MYH10: variants seen among roughly 807,000 people sequenced by gnomAD.
MYH10 encodes the protein myosin-10.
In MYH10, 55 loss-of-function variants were observed where a neutral mutation model predicts 257.8. The ratio of observed to expected loss-of-function variants is 0.21; its 90% confidence interval spans 0.17 to 0.27. MYH10 has a LOEUF of 0.27. Among genes scored for constraint, MYH10 ranks in the 10% least tolerant of loss-of-function variants. The probability of loss-of-function intolerance (pLI) is 1.00; values close to 1 mark genes in which losing one functional copy is unlikely to be tolerated. For synonymous variants in MYH10, 854 were observed against 921.7 expected, an observed-to-expected ratio of 0.93 and a Z score of 1.33; for missense variants, 1,631 against 2,500.6, an observed-to-expected ratio of 0.65 and a Z score of 7.42.
intron 1 of MYH10, among the ~76,000 whole-genome samples, chr17:8,625,482 A>ATT (rs111227495): frequency 1.0e-4 from 15 of 144,652 alleles, no homozygotes; most frequent in Non-Finnish European, 2.0e-4. Context: ...CCTGAGAACT[A>ATT]TTTTTTTTTT....
intron 11 of MYH10, among the ~76,000 whole-genome samples, chr17:8,547,301 T>G (rs2082475397): frequency 6.6e-6 from 1 of 152,248 alleles, no homozygotes; most frequent in South Asian, 2.1e-4. Context: ...TGCCTTACTC[T>G]GCATTTTAGA....
chr17:8,529,316 G>C (rs1168187511), intron 17 of MYH10, among the ~76,000 whole-genome samples: 1 of 152,206 alleles, frequency 6.6e-6, no homozygotes, highest in Non-Finnish European at 1.5e-5. Context: ...AGCAAAGCCA[G>C]GCACTGACCC....
At position 8,545,284 on chromosome 17, in the gene MYH10, C is replaced by T. The variant is rs1383379317; in HGVS notation, c.1431+164G>A. 6.6e-6 allele frequency among the ~76,000 whole-genome samples: 1 copy of T among 152,200 alleles called. No individual in the cohort carries two copies. Among genetic ancestry groups the T allele is most frequent in the South Asian group, 2.1e-4 (1 of 4,828 alleles). ...CACCCTTTCAGTGCATTCTCACAGA[C>T]CTGCGGATTCACTGATTATTTGCCA... On this transcript the variant is annotated intron_variant, in intron 13 of 42. Coordinates refer to ENST00000360416, the MANE Select transcript of MYH10 (RefSeq NM_001256012.3). The surrounding 1 kb of genome is among the most constrained non-coding windows in gnomAD (Gnocchi z 4.7).
At chr17:8,548,205 T>A (rs2151955970) in intron 11 of MYH10, 108 bp downstream of exon 11, 1 of 717,982 alleles carries the variant, frequency 1.4e-6, no homozygotes, top group Non-Finnish European at 2.3e-6. Flanking sequence ...TACTCAAGGG[T>A]CCCTTCAGAA....
At chr17:8,511,526 A>C (rs1490970684) in intron 24 of MYH10, among the ~76,000 whole-genome samples, 1 of 152,234 alleles carries the variant, frequency 6.6e-6, no homozygotes, top group Non-Finnish European at 1.5e-5. Context: ...TCTCAAAAAC[A>C]GAACAAAAAA....
intron 30 of MYH10, among the ~76,000 whole-genome samples, chr17:8,497,663 C>T (rs868332375): frequency 1.4e-5 from 2 of 147,510 alleles, no homozygotes; most frequent in African/African-American, 2.5e-5. Context: ...TGTGTGAACC[C>T]GGGAGGCAGA....
chr17:8,603,773 G>A (rs1045706080), intron 3 of MYH10, among the ~76,000 whole-genome samples: 2 of 152,078 alleles, frequency 1.3e-5, no homozygotes, highest in Non-Finnish European at 2.9e-5. Flanking sequence ...CTAAGAAATT[G>A]TATTGAACTC....
At position 8,493,000 on chromosome 17, in the gene MYH10, C is replaced by G. The variant is rs1916018798; in HGVS notation, c.4234G>C (p.Asp1412His). The G allele has an allele frequency of 6.2e-7, 1 of 1,613,560 alleles. No individual in the cohort carries two copies. The highest frequency in any genetic ancestry group is 8.5e-7 in the Non-Finnish European group (1 of 1,179,926). Residue 1412 changes from aspartate to histidine, a missense_variant, in exon 33 of 43, where the codon GAT becomes CAT. Asp to His is a moderately conservative substitution (Grantham distance 81, BLOSUM62 -1). Coordinates refer to ENST00000360416, the MANE Select transcript of MYH10 (RefSeq NM_001256012.3). ...CTTTCAATTGTTCCCAGGTCGTCATCTACTTTCTTCTTGGTATCAGCCAAC... is the reference window on the plus strand; with the variant it reads ...CTTTCAATTGTTCCCAGGTCGTCATGTACTTTCTTCTTGGTATCAGCCAAC... Reference protein sequence around the residue: ...SQLADTKKKVDDDLGTIESLE... With the variant: ...SQLADTKKKVHDDLGTIESLE...
intron 35 of MYH10, 80 bp from the exon 36 acceptor site, chr17:8,487,674 G>T: frequency 3.3e-6 from 5 of 1,537,390 alleles, no homozygotes; most frequent in Non-Finnish European, 4.5e-6. Context: ...CAAGTGGGGG[G>T]CTCTGGTTAC....
intron 14 of MYH10, among the ~76,000 whole-genome samples, 180 bp from the exon 15 acceptor site, chr17:8,536,111 C>A (rs910301624): frequency 2.0e-5 from 3 of 152,164 alleles, no homozygotes; most frequent in African/African-American, 7.2e-5. Context: ...ACATCTCAAA[C>A]TGCTAAATAA....
chr17:8,604,250 C>A (rs2084715107), intron 3 of MYH10, among the ~76,000 whole-genome samples: 2 of 152,140 alleles, frequency 1.3e-5, no homozygotes, highest in Admixed American at 1.3e-4. Flanking sequence ...ATATTAATTG[C>A]ATTCAAAACC....
At chr17:8,571,150 T>TA (rs2083322028) in intron 6 of MYH10, among the ~76,000 whole-genome samples, 1 of 150,036 alleles carries the variant, frequency 6.7e-6, no homozygotes, top group South Asian at 2.1e-4. Flanking sequence ...TCAAAACCCT[T>TA]ACCAGACTAT....
chr17:8,613,785 G>T (rs1446094938), intron 2 of MYH10, among the ~76,000 whole-genome samples: 1 of 151,932 alleles, frequency 6.6e-6, no homozygotes, highest in Admixed American at 6.6e-5. Flanking sequence ...GTCAGATTTG[G>T]GACAAAAATA....
intron 4 of MYH10, among the ~76,000 whole-genome samples, chr17:8,581,070 G>T (rs959015154): frequency 6.6e-6 from 1 of 152,080 alleles, no homozygotes; most frequent in Non-Finnish European, 1.5e-5. Context: ...AAAGAGCTTG[G>T]CATAGTCCAG....
Position 8,542,294 on chromosome 17 carries a change from A to C in MYH10, c.1432-14T>G, listed in dbSNP as rs1277993496. ...AAAGGAGTTCAGCTACAAATGTCAA[A>C]GGGTAATTTTCCAAACATGGGGAGG... On this transcript the variant is annotated splice_polypyrimidine_tract_variant and intron_variant, in intron 13 of 42. Transcript: ENST00000360416. 1.2e-6 allele frequency: 2 copies of C among 1,608,570 alleles called. No individual in the cohort carries two copies. The highest frequency in any genetic ancestry group is 4.5e-5 in the East Asian group (2 of 44,812).
intron 37 of MYH10, among the ~76,000 whole-genome samples, chr17:8,482,971 G>A (rs577706901): frequency 3.3e-5 from 5 of 152,034 alleles, no homozygotes; most frequent in South Asian, 2.1e-4. Context: ...AAGTACCCAC[G>A]GAACACTTAT....
intron 41 of MYH10, 148 bp downstream of exon 41, chr17:8,478,190 G>A: frequency 7.4e-6 from 5 of 676,646 alleles, no homozygotes; most frequent in Non-Finnish European, 1.3e-5. Context: ...GGTACTGGGA[G>A]TGCCCACCAG....
chr17:8,538,643 C>T (rs1223369112), intron 14 of MYH10, among the ~76,000 whole-genome samples: 1 of 152,122 alleles, frequency 6.6e-6, no homozygotes, highest in Non-Finnish European at 1.5e-5. Flanking sequence ...TAAATTAGGA[C>T]TATTTAGGCA....
intron 1 of MYH10, among the ~76,000 whole-genome samples, chr17:8,628,681 G>A (rs2085775473): frequency 6.6e-6 from 1 of 152,084 alleles, no homozygotes; most frequent in South Asian, 2.1e-4. Context: ...TGCTACTTAT[G>A]GCCTGCCCCA....
Sources: gnomAD v4.1 joint callset for allele counts (sites outside exome capture counted in the v4.1 genomes callset) on GRCh38, gnomAD v4.1.1 for gene constraint, Gnocchi (gnomAD v3.1) non-coding constraint, MANE v1.5 for transcripts, NCBI Gene and HGNC (gene_info 2026-07-23, HGNC 2026-07-21) for gene names.